The following KCNIP4 variants were observed in gnomAD, a reference collection of about 807,000 sequenced individuals.
KCNIP4 encodes Kv channel-interacting protein 4.
KCNIP4 carries 12 observed loss-of-function variants against 34.0 expected under a neutral mutation model. The ratio of observed to expected loss-of-function variants is 0.35; its 90% CI spans 0.23 to 0.57. KCNIP4 has a LOEUF of 0.57. Ranked by LOEUF, KCNIP4 falls within the 20% of genes least tolerant of loss-of-function variation. The pLI is 0.83. For missense variants in KCNIP4, 238 were observed against 311.7 expected, an observed-to-expected ratio of 0.76 and a Z score of 1.78; for synonymous variants, 124 against 102.2, an observed-to-expected ratio of 1.21 and a Z score of -1.29.
Position 21,020,537 on chromosome 4 carries a change from C to G in KCNIP4, c.62-137828G>C, listed in dbSNP as rs114809019. ...TACCAAACTTCATGACGTACCCACC[C>G]TAAAAGGACACGATCTTCAGGGTAC... On this transcript the variant is annotated intron_variant, in intron 1 of 8. Transcript: ENST00000382152. 2.9e-3 allele frequency among the ~76,000 whole-genome samples: 444 copies of G among 152,250 alleles called. 3 individuals carry two copies. The highest frequency in any genetic ancestry group is 3.4e-3 in the Middle Eastern group (1 of 294).
intron 1 of KCNIP4, among the ~76,000 whole-genome samples, chr4:21,226,868 AT>A (rs113191858): frequency 9.4e-4 from 141 of 150,710 alleles, no homozygotes; most frequent in East Asian, 2.9e-3. Flanking sequence ...TGAACCAGTA[AT>A]TTTTTTTTTA....
chr4:21,744,582 G>A (rs1716643919), intron 1 of KCNIP4, among the ~76,000 whole-genome samples: 1 of 152,094 alleles, frequency 6.6e-6, no homozygotes, highest in Non-Finnish European at 1.5e-5. Context: ...GCTTTCTCCT[G>A]GGACTCTCAA....
chr4:20,981,415 G>C (rs977830053), intron 1 of KCNIP4, among the ~76,000 whole-genome samples: 2 of 152,088 alleles, frequency 1.3e-5, no homozygotes, highest in Non-Finnish European at 2.9e-5. Flanking sequence ...CATGGTATTA[G>C]CCAATTCAGG....
chr4:21,912,357 C>T (rs1478156431), intron 1 of KCNIP4, among the ~76,000 whole-genome samples: 2 of 152,156 alleles, frequency 1.3e-5, no homozygotes, highest in Non-Finnish European at 2.9e-5. Flanking sequence ...ACTATTTGAG[C>T]ACCTCATATG....
At chr4:21,539,834 C>A (rs976184860) in intron 1 of KCNIP4, among the ~76,000 whole-genome samples, 9 of 152,006 alleles carry the variant, frequency 5.9e-5, no homozygotes, top group African/African-American at 1.7e-4. Flanking sequence ...CACAAATTAG[C>A]TGGGCATGGT....
chr4:21,290,326 G>C (rs1235121568), intron 1 of KCNIP4, among the ~76,000 whole-genome samples: 1 of 151,878 alleles, frequency 6.6e-6, no homozygotes, highest in Admixed American at 6.6e-5. Context: ...GTTCCAAAGC[G>C]GACTGCTTTT....
intron 1 of KCNIP4, among the ~76,000 whole-genome samples, chr4:21,538,357 C>A (rs889353914): frequency 5.3e-5 from 8 of 152,104 alleles, no homozygotes; most frequent in African/African-American, 1.9e-4. Context: ...TATCCATGTA[C>A]CACATGCAAG....
At chr4:21,318,618 C>G (rs966407975) in intron 1 of KCNIP4, among the ~76,000 whole-genome samples, 1 of 152,050 alleles carries the variant, frequency 6.6e-6, no homozygotes, top group Non-Finnish European at 1.5e-5. Context: ...ATAGTGGAAG[C>G]GAAAACGACA....
intron 1 of KCNIP4, among the ~76,000 whole-genome samples, chr4:21,567,571 G>C (rs1049043715): frequency 3.3e-5 from 5 of 152,072 alleles, no homozygotes; most frequent in Non-Finnish European, 7.4e-5. Flanking sequence ...AACACTATTT[G>C]GATTTTCTGA....
chr4:21,236,736 G>A (rs80316388), intron 1 of KCNIP4, among the ~76,000 whole-genome samples: 3,340 of 151,932 alleles, frequency 0.022, 63 homozygotes, highest in Non-Finnish European at 0.037. Context: ...CAGGCCGGGC[G>A]CGGTGGCTCA....
chr4:20,767,276 T>G (rs1755498184), intron 3 of KCNIP4: 1 of 152,136 alleles, frequency 6.6e-6, no homozygotes, highest in South Asian at 2.1e-4. Context: ...TCTAATATCA[T>G]CAGAATTTAC....
At position 21,079,533 on chromosome 4, in the gene KCNIP4, A is replaced by C. The variant is rs1745817498; in HGVS notation, c.62-196824T>G. On this transcript the variant is annotated intron_variant, in intron 1 of 8. Transcript: ENST00000382152. ...CAAACCAGATTGCCTTTCTCTTAAT[A>C]GCTCCTTCTTTCTTGCCACTGAACC... Among the ~76,000 whole-genome samples the C allele has an allele frequency of 2.0e-5, 3 of 151,948 alleles. No individual in the cohort carries two copies. The South Asian group carries it at 6.2e-4, about 31-fold the overall frequency.
Position 21,628,567 on chromosome 4 carries a change from A to G in KCNIP4, c.61+320004T>C, listed in dbSNP as rs1242709228. ...CTGCAGATCCTTGGCTTAAATTCCC[A>G]TTGAAAACATTTCATTTCATTTAGA... is the stretch of plus-strand genomic sequence containing the variant. On this transcript the variant is annotated intron_variant, in intron 1 of 8. Coordinates refer to ENST00000382152, the MANE Select transcript of KCNIP4 (RefSeq NM_025221.6). 2.6e-5 allele frequency among the ~76,000 whole-genome samples: 4 copies of G among 152,304 alleles called. No homozygotes were observed. The East Asian group carries it at 7.7e-4, about 29-fold the overall frequency.
intron 1 of KCNIP4, among the ~76,000 whole-genome samples, chr4:21,881,225 T>C (rs1050761183): frequency 6.6e-6 from 1 of 152,170 alleles, no homozygotes; most frequent in Non-Finnish European, 1.5e-5. Flanking sequence ...TGTTTTCCGC[T>C]AAAGACATTA....
At chr4:21,196,619 C>T (rs1756074426) in intron 1 of KCNIP4, among the ~76,000 whole-genome samples, 1 of 152,166 alleles carries the variant, frequency 6.6e-6, no homozygotes, top group African/African-American at 2.4e-5. Context: ...ACTTGGTTTG[C>T]TGTTCTGATA....
chr4:21,693,953 C>T (rs1289030050), intron 1 of KCNIP4, among the ~76,000 whole-genome samples: 3 of 152,082 alleles, frequency 2.0e-5, no homozygotes, highest in Admixed American at 6.5e-5. Context: ...TCACCTCACA[C>T]GTATATTTGG....
chr4:21,589,967 T>C (rs1742062468), intron 1 of KCNIP4, among the ~76,000 whole-genome samples: 1 of 152,010 alleles, frequency 6.6e-6, no homozygotes, highest in African/African-American at 2.4e-5. Flanking sequence ...GATGATGCCA[T>C]GTAAATTAAA....
At chr4:21,005,450 C>G in intron 1 of KCNIP4, among the ~76,000 whole-genome samples, 1 of 152,146 alleles carries the variant, frequency 6.6e-6, no homozygotes. Flanking sequence ...GAATAAATAC[C>G]AAAAAGCCTA....
chr4:21,336,359 T>C (rs181828582), intron 1 of KCNIP4, among the ~76,000 whole-genome samples: 1 of 152,162 alleles, frequency 6.6e-6, no homozygotes, highest in Non-Finnish European at 1.5e-5. Context: ...TACCTTTACC[T>C]AGAGTTTCAT....
Sources: allele counts gnomAD v4.1 joint callset (sites outside exome capture counted in the v4.1 genomes callset), GRCh38; gene constraint gnomAD v4.1.1; transcripts MANE v1.5; gene names NCBI Gene and HGNC (gene_info 2026-07-23, HGNC 2026-07-21).